PAWR: variants seen among roughly 807,000 people sequenced by gnomAD.
The protein encoded by PAWR is pro-apoptotic WT1 regulator.
Under a neutral mutation model 32.0 loss-of-function variants are expected in PAWR, and 23 were observed. The ratio of observed to expected loss-of-function variants is 0.72; its 90% confidence interval spans 0.52 to 1.02. The LOEUF is 1.02. Ranked by LOEUF, PAWR falls within the 50% of genes least tolerant of loss-of-function variation. The pLI, the probability that PAWR is intolerant of heterozygous loss-of-function variation, is 0.00. For missense variants in PAWR, 457 were observed against 437.7 expected (o/e 1.04, Z -0.39); for synonymous variants, 226 against 187.1 (o/e 1.21, Z -1.70).
intron 2 of PAWR, among the ~76,000 whole-genome samples, chr12:79,630,442 G>A (rs982669009): frequency 2.6e-5 from 4 of 151,998 alleles, no homozygotes; most frequent in Non-Finnish European, 5.9e-5. Flanking sequence ...TGGAACTACA[G>A]GTGAGCACCA....
intron 6 of PAWR, among the ~76,000 whole-genome samples, chr12:79,593,421 A>G (rs1388276521): frequency 2.6e-5 from 4 of 152,144 alleles, no homozygotes; most frequent in African/African-American, 9.7e-5. Flanking sequence ...CCTTGTCCCA[A>G]ACACACAACC....
chr12:79,668,893 G>A (rs1422259661), intron 2 of PAWR, among the ~76,000 whole-genome samples: 2 of 152,036 alleles, frequency 1.3e-5, no homozygotes, highest in African/African-American at 4.8e-5. Context: ...AACAAGTTGG[G>A]GTATTCCTAT....
At chr12:79,627,641 T>C (rs1258317311) in intron 2 of PAWR, among the ~76,000 whole-genome samples, 1 of 152,168 alleles carries the variant, frequency 6.6e-6, no homozygotes, top group Non-Finnish European at 1.5e-5. Flanking sequence ...TTGCTTTTGG[T>C]GTTTTAGACA....
chr12:79,689,724 C>T lies in PAWR; in HGVS notation c.516+5G>A, dbSNP rs1233407150. The stretch of plus-strand genomic sequence containing the variant: ...CGGTCCGGCTGCGGCCCCCGCCCGG[C>T]TCACCTCTGCGGCAGGGATGTTGAC... On this transcript the variant is annotated splice_donor_5th_base_variant and intron_variant, in intron 2 of 6. Transcript: ENST00000328827. The T allele has an allele frequency of 6.5e-7, 1 of 1,544,926 alleles. No homozygotes were observed. Among genetic ancestry groups the T allele is most frequent in the Non-Finnish European group, 8.7e-7 (1 of 1,149,314 alleles).
chr12:79,613,899 T>C (rs1425836920), intron 3 of PAWR, among the ~76,000 whole-genome samples: 21 of 119,776 alleles, frequency 1.8e-4, no homozygotes, highest in African/African-American at 5.4e-4. Flanking sequence ...TAAATCCTCT[T>C]GAAAGTCAAG....
intron 2 of PAWR, among the ~76,000 whole-genome samples, chr12:79,622,697 T>C (rs997600076): frequency 6.6e-6 from 1 of 152,100 alleles, no homozygotes; most frequent in African/African-American, 2.4e-5. Flanking sequence ...AGGTTGAGAT[T>C]TGGTGTCACC....
chr12:79,599,292 A>T (rs1249016364), intron 4 of PAWR, among the ~76,000 whole-genome samples: 1 of 152,212 alleles, frequency 6.6e-6, no homozygotes, highest in Non-Finnish European at 1.5e-5. Context: ...TTTTTTAGAA[A>T]CCTCAAATGT....
At chr12:79,645,002 G>A (rs1876501428) in intron 2 of PAWR, among the ~76,000 whole-genome samples, 1 of 146,698 alleles carries the variant, frequency 6.8e-6, no homozygotes. Context: ...TCTCTGTAAT[G>A]TAAAAAAGAA....
intron 4 of PAWR, among the ~76,000 whole-genome samples, chr12:79,601,003 G>C (rs1484716578): frequency 1.3e-5 from 2 of 151,982 alleles, no homozygotes; most frequent in Non-Finnish European, 2.9e-5. Context: ...TCTTGTCTTG[G>C]ATTGACAACA....
At chr12:79,657,332 G>A (rs1411686863) in intron 2 of PAWR, among the ~76,000 whole-genome samples, 4 of 152,050 alleles carry the variant, frequency 2.6e-5, no homozygotes, top group African/African-American at 9.7e-5. Flanking sequence ...AATACCTTGA[G>A]TGTGGTGGTT....
chr12:79,652,565 A>G (rs980856274), intron 2 of PAWR, among the ~76,000 whole-genome samples: 2 of 152,228 alleles, frequency 1.3e-5, no homozygotes, highest in African/African-American at 2.4e-5. Context: ...GTTCAATCAC[A>G]AAACATGATC....
intron 2 of PAWR, among the ~76,000 whole-genome samples, chr12:79,689,356 G>A (rs576503757): frequency 5.2e-4 from 77 of 148,686 alleles, no homozygotes; most frequent in African/African-American, 2.0e-3. Flanking sequence ...CCTAGAGAAT[G>A]TCGTCACCAT....
intron 2 of PAWR, among the ~76,000 whole-genome samples, chr12:79,682,610 C>A (rs565700445): frequency 3.3e-5 from 5 of 152,222 alleles, no homozygotes; most frequent in Non-Finnish European, 7.4e-5. Context: ...GCTCTTTTTA[C>A]CTTTGAAGTG....
chr12:79,611,789 T>G (rs995403545), intron 4 of PAWR, among the ~76,000 whole-genome samples: 1 of 152,092 alleles, frequency 6.6e-6, no homozygotes, highest in African/African-American at 2.4e-5. Context: ...TACAAACACA[T>G]GGACATATCA....
At position 79,690,107 on chromosome 12, in the gene PAWR, G is replaced by C; in HGVS notation, c.138C>G (p.Ser46Arg). Residue 46 changes from serine (S) to arginine (R), a missense_variant, in exon 2 of 7, where the codon AGC (serine) becomes AGG (arginine). By Grantham distance (110) the Ser-to-Arg change is moderately radical (BLOSUM62 -1). Transcript: ENST00000328827. Reference protein sequence around the residue: ...PPGPAPPGGGSSDAAGKPPAG... With the variant: ...PPGPAPPGGGRSDAAGKPPAG... Reference sequence around the variant, plus strand: ...CGGGGGGCTTCCCAGCGGCGTCGCTGCTGCCCCCTCCCGGGGGGGCCGGGC... The same window carrying C: ...CGGGGGGCTTCCCAGCGGCGTCGCTCCTGCCCCCTCCCGGGGGGGCCGGGC... 6.7e-7 allele frequency: 1 copy of C among 1,493,846 alleles called. No homozygotes were observed. The highest frequency in any genetic ancestry group is 8.9e-7 in the Non-Finnish European group (1 of 1,126,386). The allele number at this position is 1,493,846 out of a possible 1,614,324, so 92.5% of individuals were successfully genotyped here.
rs1398858152 is a variant in PAWR at position 79,588,679 on chromosome 12, T to A, written c.*3928A>T. 6 of 151,986 alleles carry A rather than the reference T, an allele frequency of 3.9e-5. No homozygotes were observed. Among genetic ancestry groups the A allele is most frequent in the Non-Finnish European group, 5.9e-5 (4 of 67,898 alleles). The allele number at this position is 151,986 out of a possible 1,614,324, so 9.4% of individuals were successfully genotyped here. A position where few individuals can be genotyped will look rare whatever the true frequency, so the allele number is the denominator to read the frequency against. On this transcript the variant is annotated 3_prime_UTR_variant, in exon 7 of 7. Transcript: ENST00000328827. ...TGGTCCATGTCCATTTATTTAAAGA[T>A]TCTGTAACACCTGTAATAGTATTTA...
At chr12:79,595,618 G>A (rs1385667929) in intron 5 of PAWR, among the ~76,000 whole-genome samples, 8 of 152,166 alleles carry the variant, frequency 5.3e-5, no homozygotes, top group Non-Finnish European at 8.8e-5. Context: ...AAGCCGAGGC[G>A]GGTGGATCAC....
At chr12:79,605,638 A>T (rs1183199684) in intron 4 of PAWR, among the ~76,000 whole-genome samples, 1 of 152,192 alleles carries the variant, frequency 6.6e-6, no homozygotes, top group African/African-American at 2.4e-5. Context: ...TATTATATGT[A>T]TAATATTTCA....
intron 2 of PAWR, among the ~76,000 whole-genome samples, chr12:79,666,531 C>T (rs894946680): frequency 6.6e-6 from 1 of 152,164 alleles, no homozygotes; most frequent in Non-Finnish European, 1.5e-5. Flanking sequence ...TCCTCATTCT[C>T]CCATGAGTGT....
Sources: gnomAD v4.1 joint callset for allele counts (sites outside exome capture counted in the v4.1 genomes callset) on GRCh38, gnomAD v4.1.1 for gene constraint, MANE v1.5 for transcripts, NCBI Gene and HGNC (gene_info 2026-07-23, HGNC 2026-07-21) for gene names.